Variants in SIRT3 observed in about 807,000 individuals in gnomAD.
The protein encoded by SIRT3 is sirtuin 3.
Under a neutral mutation model 33.5 loss-of-function variants are expected in SIRT3, and 26 were observed. The ratio of observed to expected loss-of-function variants is 0.78; its 90% confidence interval spans 0.57 to 1.08. The LOEUF (loss-of-function observed/expected upper bound fraction) is 1.08. SIRT3 is among the 50% of genes least tolerant of loss of function. The pLI, the probability that SIRT3 is intolerant of heterozygous loss-of-function variation, is 0.00. For synonymous variants in SIRT3, 237 were observed against 222.1 expected (o/e 1.07, Z -0.60); for missense variants, 585 against 530.1 (o/e 1.10, Z -1.02).
chr11:229,271 G>A (rs1330951855), intron 4 of SIRT3, among the ~76,000 whole-genome samples: 1 of 50,726 alleles, frequency 2.0e-5, no homozygotes, highest in African/African-American at 1.3e-4. Context: ...CCAACATGGT[G>A]AAACTACTCT....
intron 6 of SIRT3, 84 bp from the exon 7 acceptor site, chr11:216,802 T>A: frequency 1.4e-6 from 2 of 1,386,524 alleles, no homozygotes. Context: ...CAGCTCTAGC[T>A]GCAGACATGC....
chr11:219,046 A>T lies in SIRT3; in HGVS notation c.970-5T>A, dbSNP rs1856045807. On this transcript the variant is annotated splice_polypyrimidine_tract_variant and splice_region_variant and intron_variant, in intron 5 of 6. Transcript: ENST00000382743. ...CAAGCTGGCAAAAGGCTCCACCTGA[A>T]AAATGGGCCAAACGTGAGGGGCACA... The T allele has an allele frequency of 6.2e-7, 1 of 1,608,318 alleles. No homozygotes were observed. The highest frequency in any genetic ancestry group is 1.7e-5 in the Admixed American group (1 of 59,428).
At chr11:226,814 C>A (rs888137950) in intron 4 of SIRT3, among the ~76,000 whole-genome samples, 5 of 150,020 alleles carry the variant, frequency 3.3e-5, no homozygotes, top group African/African-American at 7.3e-5. Context: ...AGTGCAATGG[C>A]CTAATCTCAG....
chr11:227,456 A>C (rs1178261322), intron 4 of SIRT3, among the ~76,000 whole-genome samples: 1 of 110,120 alleles, frequency 9.1e-6, no homozygotes, highest in African/African-American at 3.1e-5. Context: ...AAAAAATCCA[A>C]ACAACAACAA....
Position 236,122 on chromosome 11 carries a change from C to A in SIRT3, c.207G>T (p.Arg69Ser), listed in dbSNP as rs763367247. The A allele has an allele frequency of 6.3e-7, 1 of 1,581,474 alleles. No individual in the cohort carries two copies. The highest frequency in any genetic ancestry group is 8.6e-7 in the Non-Finnish European group (1 of 1,164,540). ...CCCTGGGCACCTCGGGTCTGGGAGG[C>A]CTCTGCAAGGGGCGCGCCGGGTCCA... ...EPLDPARPLQ[R>S]PPRPEVPRAF... Residue 69 changes from arginine to serine, a missense_variant, in exon 1 of 7, where the codon AGG becomes AGT. By Grantham distance (110) the Arg-to-Ser change is moderately radical. Coordinates refer to ENST00000382743, the MANE Select transcript of SIRT3 (RefSeq NM_012239.6).
chr11:224,040 C>A lies in SIRT3; in HGVS notation c.969+38G>T, dbSNP rs201454850. ...ACTCCTGTACCCCTCCCTTCCCCTG[C>A]CCTCCAGCCTCCTCCCTGCACAGGC... On this transcript the variant is annotated intron_variant, in intron 5 of 6. Transcript: ENST00000382743. 8 of 1,551,562 alleles carry A rather than the reference C, an allele frequency of 5.2e-6. 1 individual carries two copies. The highest frequency in any genetic ancestry group is 7.0e-6 in the Non-Finnish European group (8 of 1,142,574).
chr11:235,968 G>A (rs1015022165), intron 1 of SIRT3, 80 bp downstream of exon 1: 23 of 1,383,860 alleles, frequency 1.7e-5, no homozygotes, highest in Non-Finnish European at 2.0e-5. Flanking sequence ...ATGCCGCAAA[G>A]GAAACACGGC....
At chr11:229,175 C>T (rs1281562477) in intron 4 of SIRT3, among the ~76,000 whole-genome samples, 2 of 151,960 alleles carry the variant, frequency 1.3e-5, no homozygotes, top group Admixed American at 6.6e-5. Context: ...TAAAACGGGC[C>T]GGGCGCAGTG....
chr11:230,587 C>T, intron 3 of SIRT3, 35 bp from the exon 4 acceptor site: 1 of 1,428,372 alleles, frequency 7.0e-7, no homozygotes, highest in South Asian at 1.5e-5. Context: ...GTTGCTGCCG[C>T]CTCCGAGATG....
Position 224,090 on chromosome 11 carries a change from C to A in SIRT3, c.957G>T (p.Gly319=), listed in dbSNP as rs1856825667. 1 of 1,614,178 alleles carries A rather than the reference C, an allele frequency of 6.2e-7. No individual in the cohort carries two copies. The highest frequency in any genetic ancestry group is 8.5e-7 in the Non-Finnish European group (1 of 1,180,028). Residue 319 remains glycine (G), a synonymous_variant, in exon 5 of 7, where the codon GGG becomes GGT. Coordinates refer to ENST00000382743, the MANE Select transcript of SIRT3 (RefSeq NM_012239.6). ...FPMADLLLIL[G]TSLEVEPFAS... ...CCTGCTGACAAACCTCCAGGGAGGT[C>A]CCAAGGATGAGCAGCAGATCTGCCA... is the stretch of plus-strand genomic sequence containing the variant.
intron 1 of SIRT3, among the ~76,000 whole-genome samples, chr11:234,211 G>C (rs1858539665): frequency 6.6e-6 from 1 of 152,204 alleles, no homozygotes; most frequent in South Asian, 2.1e-4. Context: ...TGCATGGTGT[G>C]AAATTCACTG....
intron 6 of SIRT3, among the ~76,000 whole-genome samples, chr11:218,448 A>G (rs937700482): frequency 6.6e-6 from 1 of 152,226 alleles, no homozygotes; most frequent in African/African-American, 2.4e-5. Context: ...TTCATCCCAC[A>G]TAGATGCAGA....
At chr11:231,442 T>G (rs1418916914) in intron 3 of SIRT3, among the ~76,000 whole-genome samples, 1 of 152,138 alleles carries the variant, frequency 6.6e-6, no homozygotes. Context: ...TCTCAAAAAT[T>G]TATATCTAAT....
At chr11:218,223 C>T (rs1855926341) in intron 6 of SIRT3, among the ~76,000 whole-genome samples, 1 of 152,210 alleles carries the variant, frequency 6.6e-6, no homozygotes, top group East Asian at 1.9e-4. Context: ...ACTTTAAATG[C>T]TTAATGCTAC....
chr11:235,270 A>G (rs1281062589), intron 1 of SIRT3, among the ~76,000 whole-genome samples: 1 of 152,026 alleles, frequency 6.6e-6, no homozygotes, highest in Non-Finnish European at 1.5e-5. Context: ...CAGTGGCTCA[A>G]TCATAGCTCA....
intron 3 of SIRT3, among the ~76,000 whole-genome samples, chr11:232,114 T>G (rs186733212): frequency 6.6e-6 from 1 of 152,008 alleles, no homozygotes; most frequent in African/African-American, 2.4e-5. Context: ...TTTTAATTAT[T>G]TTTATTTTTA....
intron 6 of SIRT3, among the ~76,000 whole-genome samples, chr11:216,975 A>C (rs1855744998): frequency 6.6e-6 from 1 of 152,268 alleles, no homozygotes; most frequent in Non-Finnish European, 1.5e-5. Flanking sequence ...TCATGTGCTT[A>C]AAAGCATTCA....
intron 3 of SIRT3, among the ~76,000 whole-genome samples, chr11:230,940 A>G (rs1351158549): frequency 1.1e-4 from 16 of 152,214 alleles, no homozygotes; most frequent in Admixed American, 1.0e-3. Flanking sequence ...CCTGGCCATC[A>G]TGGTGAAACC....
At chr11:224,526 G>A (rs1207810192) in intron 4 of SIRT3, among the ~76,000 whole-genome samples, 2 of 152,192 alleles carry the variant, frequency 1.3e-5, no homozygotes, top group Non-Finnish European at 2.9e-5. Flanking sequence ...CTAACACCAT[G>A]CTCTATCCCT....
Sources: gnomAD v4.1 joint callset for allele counts (sites outside exome capture counted in the v4.1 genomes callset) on GRCh38, gnomAD v4.1.1 for gene constraint, MANE v1.5 for transcripts, NCBI Gene and HGNC (gene_info 2026-07-23, HGNC 2026-07-21) for gene names.